The following ACSM6 variants were observed in gnomAD, a reference collection of about 807,000 sequenced individuals.
The protein encoded by ACSM6 is acyl-CoA synthetase medium chain family member 6, also known as acyl-coenzyme A synthetase ACSM6, mitochondrial.
ACSM6 carries 35 observed loss-of-function variants against 51.1 expected under a neutral mutation model. That is an observed-to-expected ratio of 0.69 (90% CI 0.52 to 0.91). The LOEUF (loss-of-function observed/expected upper bound fraction) is 0.91, where lower values mean the gene tolerates loss of function less well. ACSM6 is among the 40% of genes least tolerant of loss of function. The probability of loss-of-function intolerance (pLI) is 0.00; values close to 1 mark genes in which losing one functional copy is unlikely to be tolerated. For missense variants in ACSM6, 509 were observed against 584.1 expected (o/e 0.87, Z 1.32); for synonymous variants, 172 against 207.3 (o/e 0.83, Z 1.46).
chr10:95,202,069 C>CAACT lies in ACSM6; in HGVS notation c.278_281dup (p.Ser95ThrfsTer16). The CAACT allele has an allele frequency of 6.4e-7, 1 of 1,551,924 alleles. No homozygotes were observed. Among genetic ancestry groups the CAACT allele is most frequent in the Non-Finnish European group, 8.7e-7 (1 of 1,147,040 alleles). ...CAAATGGAGCTTTGAAAGGATGACT[C>CAACT]AACTCTCCAAGAAGGCCGCCAGCAT... On this transcript the variant is annotated frameshift_variant, in exon 3 of 11. Transcript: ENST00000341686. LOFTEE classifies it high-confidence loss of function.
intron 10 of ACSM6, chr10:95,226,139 C>T (rs993714650): frequency 5.3e-5 from 8 of 152,166 alleles, no homozygotes; most frequent in Non-Finnish European, 8.8e-5. Context: ...TGTAAAGGTA[C>T]ATTTTCCTCT....
intron 5 of ACSM6, 30 bp from the exon 6 acceptor site, chr10:95,211,848 A>G: frequency 6.4e-7 from 1 of 1,564,088 alleles, no homozygotes; most frequent in Non-Finnish European, 8.6e-7. Context: ...AGCACGAGAG[A>G]ATTCAAATGG....
At chr10:95,224,987 G>A (rs967565218) in intron 9 of ACSM6, among the ~76,000 whole-genome samples, 8 of 152,114 alleles carry the variant, frequency 5.3e-5, no homozygotes, top group African/African-American at 1.7e-4. Flanking sequence ...TGTATAATAG[G>A]TGCACTTTAA....
chr10:95,228,167 T>C (rs2035059270), intron 10 of ACSM6: 1 of 144,506 alleles, frequency 6.9e-6, no homozygotes, highest in Non-Finnish European at 1.5e-5. Context: ...ATCACTCTAA[T>C]TGTGCTTCTG....
At chr10:95,196,787 G>A (rs1290123190) in intron 2 of ACSM6, among the ~76,000 whole-genome samples, 1 of 152,194 alleles carries the variant, frequency 6.6e-6, no homozygotes, top group Non-Finnish European at 1.5e-5. Flanking sequence ...ACAATATGAT[G>A]TGGAAACTAC....
At chr10:95,215,073 C>T (rs79298191) in intron 8 of ACSM6, 98 bp downstream of exon 8, 32,801 of 1,369,416 alleles carry the variant, frequency 0.024, 490 homozygotes, top group Non-Finnish European at 0.029. Flanking sequence ...TAGAAATGCA[C>T]AACTGGATCT....
At chr10:95,224,002 T>C (rs2035016614) in intron 9 of ACSM6, among the ~76,000 whole-genome samples, 1 of 152,194 alleles carries the variant, frequency 6.6e-6, no homozygotes, top group African/African-American at 2.4e-5. Context: ...TTCTACATAG[T>C]ATCAATAAAC....
chr10:95,211,433 G>C (rs918803287), intron 5 of ACSM6, among the ~76,000 whole-genome samples: 2 of 152,180 alleles, frequency 1.3e-5, no homozygotes, highest in African/African-American at 4.8e-5. Context: ...CCACCCTCAA[G>C]TTCTCTTAAC....
exon 11 of ACSM6, chr10:95,228,852 T>C: frequency 7.4e-7 from 1 of 1,358,326 alleles, no homozygotes; most frequent in Non-Finnish European, 9.7e-7. Flanking sequence ...CTGCTTCCAA[T>C]ACGTAGGAAT....
chr10:95,224,359 A>C (rs1458150725), intron 9 of ACSM6, among the ~76,000 whole-genome samples: 1 of 152,208 alleles, frequency 6.6e-6, no homozygotes, highest in African/African-American at 2.4e-5. Context: ...CTGTCACATT[A>C]CTTCATGGTC....
intron 10 of ACSM6, 145 bp from the exon 11 acceptor site, chr10:95,228,497 GTT>G: frequency 2.7e-6 from 2 of 729,300 alleles, no homozygotes; most frequent in South Asian, 7.9e-5. Context: ...TGTTTGTTGA[GTT>G]TTCTATGTGA....
intron 7 of ACSM6, among the ~76,000 whole-genome samples, chr10:95,213,275 T>C (rs1330492121): frequency 1.3e-5 from 2 of 152,172 alleles, no homozygotes; most frequent in African/African-American, 4.8e-5. Flanking sequence ...ATTTCCCATT[T>C]TGAAGAAAAA....
chr10:95,205,018 C>G (rs1268240721), intron 3 of ACSM6, among the ~76,000 whole-genome samples: 1 of 152,152 alleles, frequency 6.6e-6, no homozygotes, highest in Non-Finnish European at 1.5e-5. Flanking sequence ...CAGAAAGCTG[C>G]ACAGTGATGG....
At chr10:95,213,449 T>A (rs1216266446) in intron 7 of ACSM6, among the ~76,000 whole-genome samples, 1 of 152,212 alleles carries the variant, frequency 6.6e-6, no homozygotes, top group Non-Finnish European at 1.5e-5. Flanking sequence ...AGAAACATAT[T>A]ATGATATTGG....
At chr10:95,211,784 C>A in intron 5 of ACSM6, 94 bp from the exon 6 acceptor site, 2 of 1,298,210 alleles carry the variant, frequency 1.5e-6, no homozygotes, top group Non-Finnish European at 2.1e-6. Flanking sequence ...ATCTTTGTTT[C>A]TCCCCACAGG....
At position 95,196,464 on chromosome 10, in the gene ACSM6, C is replaced by A. The variant is rs181465338; in HGVS notation, c.192+1787C>A. Among the ~76,000 whole-genome samples the A allele has an allele frequency of 5.3e-5, 8 of 152,340 alleles. No individual in the cohort carries two copies. In the East Asian group the frequency reaches 1.5e-3, roughly 29 times the overall value. ...CAAATCATCTGCTCCAACCCTTTAT[C>A]ATTTAAGAGCACTTCATCATAGAAT... On this transcript the variant is annotated intron_variant, in intron 2 of 10. Transcript: ENST00000341686.
At chr10:95,222,858 T>TTATTATTATTA (rs377033957) in intron 9 of ACSM6, among the ~76,000 whole-genome samples, 1 of 151,868 alleles carries the variant, frequency 6.6e-6, no homozygotes, top group African/African-American at 2.4e-5. Context: ...ACCAAAATAA[T>TTATTATTATTA]AATAATAATA....
exon 7 of ACSM6, chr10:95,212,929 G>C: frequency 1.9e-6 from 3 of 1,610,198 alleles, no homozygotes; most frequent in Non-Finnish European, 2.5e-6. Context: ...TTCAGCACAA[G>C]TGTTTCACCA....
At chr10:95,212,904 T>C (rs764559962) in exon 7 of ACSM6, 1 of 1,613,856 alleles carries the variant, frequency 6.2e-7, no homozygotes, top group South Asian at 1.1e-5. Context: ...AATCCAGAGA[T>C]GTACCAGGAA....
Sources: gnomAD v4.1 joint callset for allele counts (sites outside exome capture counted in the v4.1 genomes callset) on GRCh38, gnomAD v4.1.1 for gene constraint, MANE v1.5 for transcripts, NCBI Gene and HGNC (gene_info 2026-07-23, HGNC 2026-07-21) for gene names.